The following PCDHA10 variants were observed in gnomAD, a reference collection of about 807,000 sequenced individuals.
PCDHA10 encodes protocadherin alpha-10.
A neutral mutation model predicts 61.2 loss-of-function variants in PCDHA10; 45 were observed. The ratio of observed to expected loss-of-function variants is 0.74; its 90% CI spans 0.58 to 0.94. The LOEUF is 0.94. Among genes scored for constraint, PCDHA10 ranks in the 40% least tolerant of loss-of-function variants. The pLI, the probability that PCDHA10 is intolerant of heterozygous loss-of-function variation, is 0.00. For missense variants in PCDHA10, 1,278 were observed against 1,236.2 expected, an observed-to-expected ratio of 1.03 and a Z score of -0.51; for synonymous variants, 602 against 548.8, an observed-to-expected ratio of 1.10 and a Z score of -1.35.
rs2044890811 is a variant in PCDHA10, at chr5:140,857,779, T to C, written c.1731T>C (p.Ser577=). ...CTGGCAGCGCGGGCGGTGCAGTCAG[T>C]GAGCTGGTGCTGCGGTCGGTGGTTG... ...SPAGSAGGAV[S]ELVLRSVVAG... is the part of the protein sequence containing the mutation. Residue 577 remains serine, a synonymous_variant, in exon 1 of 4, where the codon AGT becomes AGC. Transcript: ENST00000307360. 2 of 1,597,506 alleles carry C rather than the reference T, an allele frequency of 1.3e-6. No homozygotes were observed. Among genetic ancestry groups the C allele is most frequent in the Non-Finnish European group, 8.6e-7 (1 of 1,167,602 alleles).
chr5:140,935,996 G>A (rs145363850), intron 1 of PCDHA10, among the ~76,000 whole-genome samples: 2 of 150,844 alleles, frequency 1.3e-5, no homozygotes, highest in African/African-American at 4.9e-5. Context: ...GGGTTCAAGC[G>A]ATTCTCCCAC....
At chr5:140,871,405 C>T (rs1554165555) in intron 1 of PCDHA10, 10 of 1,614,106 alleles carry the variant, frequency 6.2e-6, no homozygotes, top group Non-Finnish European at 7.6e-6. Flanking sequence ...TAAGACGGAC[C>T]TCATGGCCTT....
intron 1 of PCDHA10, among the ~76,000 whole-genome samples, chr5:140,879,016 G>A (rs2057813975): frequency 6.6e-6 from 1 of 152,188 alleles, no homozygotes; most frequent in African/African-American, 2.4e-5. Context: ...ATCAGATAAT[G>A]TTTTATTGAA....
intron 3 of PCDHA10, among the ~76,000 whole-genome samples, chr5:141,000,409 ATATATATATATATTT>A (rs2097918498): frequency 1.1e-5 from 1 of 94,040 alleles, no homozygotes; most frequent in East Asian, 3.1e-4. Flanking sequence ...ATATATATAT[ATATATATATATATTT>A]TTTTTTTTTT....
intron 1 of PCDHA10, among the ~76,000 whole-genome samples, chr5:140,879,556 A>G (rs2058036538): frequency 6.6e-6 from 1 of 152,240 alleles, no homozygotes; most frequent in South Asian, 2.1e-4. Context: ...AAAATAATCC[A>G]TGAAAGAATA....
At chr5:140,865,342 T>C (rs1437907469) in intron 1 of PCDHA10, 1 of 152,320 alleles carries the variant, frequency 6.6e-6, no homozygotes, top group African/African-American at 2.4e-5. Context: ...AAAGAAATAG[T>C]ATATTTACAT....
At position 140,856,180 on chromosome 5, in the gene PCDHA10, G is replaced by C; in HGVS notation, c.132G>C (p.Val44=). ...AGGAGGCCAGACACGGCACCTTCGT[G>C]GGCCGCATCGCGCAGGACCTGGGGC... The part of the protein sequence containing the change: ...VYEEARHGTF[V]GRIAQDLGLE... The change falls in exon 1 of 4, where the codon GTG becomes GTC. Residue 44 remains valine (V), a synonymous_variant. Coordinates refer to ENST00000307360, the MANE Select transcript of PCDHA10 (RefSeq NM_018901.4). The C allele has an allele frequency of 3.1e-6, 5 of 1,598,262 alleles. 1 individual carries two copies. Among genetic ancestry groups the C allele is most frequent in the Non-Finnish European group, 4.3e-6 (5 of 1,167,898 alleles).
intron 1 of PCDHA10, among the ~76,000 whole-genome samples, chr5:140,871,878 C>T (rs1390055446): frequency 6.6e-6 from 1 of 152,222 alleles, no homozygotes; most frequent in Non-Finnish European, 1.5e-5. Context: ...TTTAAATTTG[C>T]TCCTCTTTGT....
chr5:140,882,708 C>T, intron 1 of PCDHA10: 2 of 1,614,174 alleles, frequency 1.2e-6, no homozygotes, highest in Non-Finnish European at 1.7e-6. Flanking sequence ...GAATCTAGAC[C>T]TCCGGAAACT....
At chr5:140,932,525 A>G (rs2088383031) in intron 1 of PCDHA10, among the ~76,000 whole-genome samples, 1 of 151,898 alleles carries the variant, frequency 6.6e-6, no homozygotes, top group Non-Finnish European at 1.5e-5. Flanking sequence ...TGTTTGTGGC[A>G]TTCAAGGTGC....
rs2098419434 is a variant in PCDHA10, at chr5:141,011,100, CT to C, written c.*1164del. ...AAATGATCTCTCTTTCTCTCTCTCT[CT>C]CTCTTTTCTAAGAAACAATTATGTG... On this transcript the variant is annotated 3_prime_UTR_variant, in exon 4 of 4. Coordinates refer to ENST00000307360, the MANE Select transcript of PCDHA10 (RefSeq NM_018901.4). The C allele has an allele frequency of 1.3e-5, 2 of 153,772 alleles. No individual in the cohort carries two copies. Among genetic ancestry groups the C allele is most frequent in the Admixed American group, 6.5e-5 (1 of 15,290 alleles). The allele number at this position is 153,772 out of a possible 1,614,324, so 9.5% of individuals were successfully genotyped here.
At position 140,965,675 on chromosome 5, in the gene PCDHA10, A is replaced by G. The variant is rs1049081993; in HGVS notation, c.2389-13274A>G. ...AAATGTCTTGGGTGATAAATGTAAA[A>G]GATTTGAAGCAAGATTAGAAAAAGC... On this transcript the variant is annotated intron_variant, in intron 1 of 3. Transcript: ENST00000307360. Among the ~76,000 whole-genome samples, 4 of 152,350 alleles carry G rather than the reference A, an allele frequency of 2.6e-5. No homozygotes were observed. The East Asian group carries it at 7.7e-4, about 29-fold the overall frequency.
At chr5:140,979,178 G>C (rs782006168) in intron 2 of PCDHA10, 171 bp downstream of exon 2, 32 of 944,022 alleles carry the variant, frequency 3.4e-5, no homozygotes, top group Non-Finnish European at 4.0e-5. Flanking sequence ...GATCGCAAAT[G>C]GTCAGTGCCA....
chr5:140,897,949 G>A (rs2066421771), intron 1 of PCDHA10, among the ~76,000 whole-genome samples: 2 of 152,308 alleles, frequency 1.3e-5, no homozygotes, highest in African/African-American at 2.4e-5. Context: ...GTGATGATTA[G>A]CATTTTTTCA....
chr5:140,929,995 C>A (rs543771321), intron 1 of PCDHA10: 1 of 152,108 alleles, frequency 6.6e-6, no homozygotes, highest in Admixed American at 6.5e-5. Context: ...GGAATGACAC[C>A]CTAAAACATA....
intron 1 of PCDHA10, among the ~76,000 whole-genome samples, chr5:140,905,308 T>C (rs1194215404): frequency 1.3e-5 from 2 of 152,120 alleles, no homozygotes; most frequent in African/African-American, 4.8e-5. Flanking sequence ...TTTCCACACT[T>C]TGTGTTTGTA....
chr5:140,997,820 T>C (rs2097787131), intron 3 of PCDHA10, among the ~76,000 whole-genome samples: 1 of 152,170 alleles, frequency 6.6e-6, no homozygotes. Flanking sequence ...GGTATCTATG[T>C]TTTCTAAACA....
intron 1 of PCDHA10, chr5:140,967,413 A>G: frequency 6.2e-7 from 1 of 1,613,218 alleles, no homozygotes; most frequent in Non-Finnish European, 8.5e-7. Context: ...AAGGGCCTAG[A>G]CCGGGAGCAG....
chr5:140,956,259 A>G (rs534711265), intron 1 of PCDHA10, among the ~76,000 whole-genome samples: 1 of 152,252 alleles, frequency 6.6e-6, no homozygotes, highest in African/African-American at 2.4e-5. Flanking sequence ...GGTTTTGCCC[A>G]TTCAGTGTGG....
Sources: allele counts gnomAD v4.1 joint callset (sites outside exome capture counted in the v4.1 genomes callset), GRCh38; gene constraint gnomAD v4.1.1; transcripts MANE v1.5; gene names NCBI Gene and HGNC (gene_info 2026-07-23, HGNC 2026-07-21).